Variants in MYO3B observed in about 807,000 individuals in gnomAD.
The protein encoded by MYO3B is myosin-IIIb.
In MYO3B, 156 loss-of-function variants were observed where a neutral mutation model predicts 174.6. That is an observed-to-expected ratio of 0.89 (90% CI 0.78 to 1.02). MYO3B has a LOEUF of 1.02. MYO3B is among the 50% of genes least tolerant of loss of function. MYO3B has a pLI of 0.00. For missense variants in MYO3B, 1,632 were observed against 1,639.4 expected, an observed-to-expected ratio of 1.00 and a Z score of 0.08; for synonymous variants, 563 against 569.1, an observed-to-expected ratio of 0.99 and a Z score of 0.15.
At chr2:170,457,418 A>T (rs1683969702) in intron 23 of MYO3B, among the ~76,000 whole-genome samples, 1 of 152,116 alleles carries the variant, frequency 6.6e-6, no homozygotes, top group Non-Finnish European at 1.5e-5. Flanking sequence ...AACACATTGT[A>T]CAACTGTACA....
intron 8 of MYO3B, among the ~76,000 whole-genome samples, chr2:170,367,988 G>T (rs2094211179): frequency 6.6e-6 from 1 of 152,164 alleles, no homozygotes; most frequent in African/African-American, 2.4e-5. Flanking sequence ...ATTATAAAAT[G>T]GAGTAACTGG....
At chr2:170,573,757 T>G (rs1193374533) in intron 32 of MYO3B, among the ~76,000 whole-genome samples, 2 of 152,172 alleles carry the variant, frequency 1.3e-5, no homozygotes, top group Non-Finnish European at 2.9e-5. Context: ...AGAGACTTGT[T>G]AAAAGACTAG....
intron 9 of MYO3B, among the ~76,000 whole-genome samples, chr2:170,374,567 A>G (rs949566647): frequency 1.3e-5 from 2 of 152,174 alleles, no homozygotes; most frequent in Non-Finnish European, 2.9e-5. Context: ...GTATTCAAAA[A>G]CAAGGCTAAG....
At chr2:170,382,203 G>T in intron 10 of MYO3B, 91 bp downstream of exon 10, 2 of 1,046,424 alleles carry the variant, frequency 1.9e-6, no homozygotes, top group South Asian at 1.4e-5. Flanking sequence ...TCCTCCTAAG[G>T]TCATTTGAAA....
intron 7 of MYO3B, among the ~76,000 whole-genome samples, chr2:170,312,807 T>G (rs538854288): frequency 6.6e-6 from 1 of 152,314 alleles, no homozygotes; most frequent in Non-Finnish European, 1.5e-5. Context: ...CGTACAATTT[T>G]GGGGGCATGT....
chr2:170,233,053 T>A (rs970509951), intron 6 of MYO3B, among the ~76,000 whole-genome samples: 1 of 152,224 alleles, frequency 6.6e-6, no homozygotes, highest in Non-Finnish European at 1.5e-5. Context: ...TTAGATATGT[T>A]CTTAGAATTG....
At chr2:170,228,356 G>A (rs754925721) in intron 6 of MYO3B, among the ~76,000 whole-genome samples, 3 of 152,180 alleles carry the variant, frequency 2.0e-5, no homozygotes, top group Admixed American at 6.5e-5. Flanking sequence ...TTGAATGAGT[G>A]AATCTTAAAG....
intron 34 of MYO3B, 101 bp downstream of exon 34, chr2:170,652,255 T>C (rs115021159): frequency 9.4e-5 from 96 of 1,017,122 alleles, no homozygotes; most frequent in Admixed American, 6.0e-4. Flanking sequence ...TCTAAAAATA[T>C]GCAATCCAGA....
chr2:170,369,252 T>A lies in MYO3B; in HGVS notation c.846T>A (p.Pro282=). ...TTATTAAGGATTTTGAAAGGCGACC[T>A]TCCGTCACACATCTCCTTGACCACC... ...QCLIKDFERR[P]SVTHLLDHPF... The change falls in exon 9 of 35, where the codon CCT becomes CCA. Residue 282 remains proline (P), a synonymous_variant. Transcript: ENST00000408978. 6.2e-7 allele frequency: 1 copy of A among 1,613,508 alleles called. No individual in the cohort carries two copies. Among genetic ancestry groups the A allele is most frequent in the South Asian group, 1.1e-5 (1 of 90,988 alleles).
intron 9 of MYO3B, among the ~76,000 whole-genome samples, chr2:170,373,740 G>A (rs575211558): frequency 5.3e-4 from 81 of 151,880 alleles, no homozygotes; most frequent in African/African-American, 1.9e-3. Flanking sequence ...GAAACTCTAA[G>A]TTGGGAAAGA....
chr2:170,556,941 CTG>C (rs1691348457), intron 32 of MYO3B, among the ~76,000 whole-genome samples: 3 of 152,196 alleles, frequency 2.0e-5, no homozygotes, highest in Admixed American at 2.0e-4. Flanking sequence ...TATTTGACAT[CTG>C]TGCGTCTTAT....
chr2:170,571,721 G>A (rs1559126168), intron 32 of MYO3B, among the ~76,000 whole-genome samples: 1 of 152,114 alleles, frequency 6.6e-6, no homozygotes, highest in African/African-American at 2.4e-5. Context: ...ATTCATGTAG[G>A]GAGGATAAAA....
At chr2:170,535,720 A>G (rs1363532670) in intron 30 of MYO3B, among the ~76,000 whole-genome samples, 2 of 152,148 alleles carry the variant, frequency 1.3e-5, no homozygotes, top group Non-Finnish European at 2.9e-5. Flanking sequence ...GATGAAATGG[A>G]TAGTCTAGCC....
intron 7 of MYO3B, among the ~76,000 whole-genome samples, chr2:170,316,232 T>C (rs1349630457): frequency 6.6e-6 from 1 of 152,238 alleles, no homozygotes; most frequent in African/African-American, 2.4e-5. Context: ...TGTGTATTAA[T>C]GAAGTATCTG....
rs1381497361 is a variant in MYO3B at position 170,416,790 on chromosome 2, ACT to A, written c.2650+8949_2650+8950del. On this transcript the variant is annotated intron_variant, in intron 22 of 34. Coordinates refer to ENST00000408978, the MANE Select transcript of MYO3B (RefSeq NM_138995.5). ...TCCAGCTGCTCACTCTGCCTGGAAC[ACT>A]CTTTCCCCAGATCTTTTTTTCTGTT... Among the ~76,000 whole-genome samples, 3 of 142,832 alleles carry A rather than the reference ACT, an allele frequency of 2.1e-5. No individual in the cohort carries two copies. In the East Asian group the frequency reaches 6.1e-4, roughly 29 times the overall value. 93.7% of individuals were successfully genotyped at this position (142,832 alleles called of 152,430 possible). A position where few individuals can be genotyped will look rare whatever the true frequency, so the allele number is the denominator to read the frequency against.
intron 9 of MYO3B, among the ~76,000 whole-genome samples, chr2:170,370,677 C>T (rs2094235739): frequency 7.5e-6 from 1 of 133,040 alleles, no homozygotes; most frequent in South Asian, 2.5e-4. Context: ...ACACACACAG[C>T]ACCACCACCA....
At chr2:170,259,480 C>T (rs1454790141) in intron 7 of MYO3B, among the ~76,000 whole-genome samples, 4 of 152,108 alleles carry the variant, frequency 2.6e-5, no homozygotes, top group African/African-American at 9.6e-5. Context: ...TTCAATAAAT[C>T]GTGCTTGGAT....
At chr2:170,335,334 C>G (rs2093939859) in intron 7 of MYO3B, 51 bp from the exon 8 acceptor site, 1 of 1,337,340 alleles carries the variant, frequency 7.5e-7, no homozygotes, top group Non-Finnish European at 1.1e-6. Context: ...TGATATTTTG[C>G]CTTTAATGAA....
intron 28 of MYO3B, among the ~76,000 whole-genome samples, chr2:170,510,221 C>T (rs1687894644): frequency 6.6e-6 from 1 of 152,160 alleles, no homozygotes; most frequent in Non-Finnish European, 1.5e-5. Context: ...AGACTCTTTC[C>T]TCTGATGGAT....
Sources: allele counts gnomAD v4.1 joint callset (sites outside exome capture counted in the v4.1 genomes callset), GRCh38; gene constraint gnomAD v4.1.1; transcripts MANE v1.5; gene names NCBI Gene and HGNC (gene_info 2026-07-23, HGNC 2026-07-21).